KLHL1: variants seen among roughly 807,000 people sequenced by gnomAD.
KLHL1 encodes kelch-like protein 1.
A neutral mutation model predicts 77.7 loss-of-function variants in KLHL1; 47 were observed. That is an observed-to-expected ratio of 0.60 (90% CI 0.48 to 0.77). The LOEUF is 0.77. Ranked by LOEUF, KLHL1 falls within the 30% of genes least tolerant of loss-of-function variation. KLHL1 has a pLI of 0.00. For missense variants in KLHL1, 925 were observed against 910.8 expected, an observed-to-expected ratio of 1.02 and a Z score of -0.20; for synonymous variants, 360 against 325.2, an observed-to-expected ratio of 1.11 and a Z score of -1.15.
At chr13:69,938,155 A>G (rs1226627415) in intron 4 of KLHL1, among the ~76,000 whole-genome samples, 1 of 152,158 alleles carries the variant, frequency 6.6e-6, no homozygotes, top group Non-Finnish European at 1.5e-5. Context: ...TATCAGATGC[A>G]AAACACTCAT....
At chr13:69,978,560 C>G (rs1884615837) in intron 1 of KLHL1, among the ~76,000 whole-genome samples, 1 of 150,788 alleles carries the variant, frequency 6.6e-6, no homozygotes, top group Non-Finnish European at 1.5e-5. Flanking sequence ...GATCTTGGCT[C>G]ACTGCAACCT....
chr13:70,080,106 C>G (rs1887358338), intron 1 of KLHL1, among the ~76,000 whole-genome samples: 1 of 152,094 alleles, frequency 6.6e-6, no homozygotes, highest in African/African-American at 2.4e-5. Context: ...CATTAGACAA[C>G]ATGCAGCCTA....
At chr13:70,009,126 A>T (rs1885472218) in intron 1 of KLHL1, among the ~76,000 whole-genome samples, 1 of 151,900 alleles carries the variant, frequency 6.6e-6, no homozygotes, top group Non-Finnish European at 1.5e-5. Context: ...AGTGAAAATA[A>T]AAATAGTAAA....
intron 1 of KLHL1, among the ~76,000 whole-genome samples, chr13:70,055,756 T>C (rs1172686052): frequency 6.6e-6 from 1 of 152,046 alleles, no homozygotes; most frequent in Admixed American, 6.6e-5. Context: ...CAGTTTAAAA[T>C]GGAGTATAAT....
intron 1 of KLHL1, among the ~76,000 whole-genome samples, chr13:70,075,586 T>TATATATATATATATAC (rs1436181147): frequency 8.9e-6 from 1 of 111,794 alleles, no homozygotes; most frequent in Non-Finnish European, 1.8e-5. Flanking sequence ...TATATATATA[T>TATATATATATATATAC]ATACACACAC....
intron 6 of KLHL1, among the ~76,000 whole-genome samples, chr13:69,808,431 C>A (rs771868928): frequency 5.3e-5 from 8 of 152,106 alleles, no homozygotes; most frequent in Non-Finnish European, 1.0e-4. Context: ...ACTACACAAA[C>A]CTTTCTGCAA....
intron 1 of KLHL1, among the ~76,000 whole-genome samples, chr13:70,091,347 T>TCTTGATATGAACTTGA (rs1446439571): frequency 6.6e-6 from 1 of 151,912 alleles, no homozygotes; most frequent in East Asian, 1.9e-4. Flanking sequence ...CTTTTTACAA[T>TCTTGATATGAACTTGA]TCTTCTTATG....
At chr13:69,939,642 T>C (rs7320487) in intron 4 of KLHL1, among the ~76,000 whole-genome samples, 19,241 of 151,852 alleles carry the variant, frequency 0.13, 1,898 homozygotes, top group East Asian at 0.29. Flanking sequence ...GCCTGTTAAG[T>C]GTGCATAAAG....
intron 8 of KLHL1, among the ~76,000 whole-genome samples, chr13:69,730,428 G>C (rs548057646): frequency 6.6e-6 from 1 of 152,198 alleles, no homozygotes; most frequent in Non-Finnish European, 1.5e-5. Context: ...TAAATCTATT[G>C]CTGTCAATGT....
chr13:69,775,128 A>G (rs1002631705), intron 7 of KLHL1, among the ~76,000 whole-genome samples: 5 of 152,174 alleles, frequency 3.3e-5, no homozygotes, highest in Non-Finnish European at 4.4e-5. Flanking sequence ...TAATGAAACT[A>G]ATAGATAAGA....
chr13:70,045,190 T>C (rs902002846), intron 1 of KLHL1, among the ~76,000 whole-genome samples: 13 of 152,230 alleles, frequency 8.5e-5, no homozygotes, highest in African/African-American at 2.9e-4. Flanking sequence ...AAGAAAAAAA[T>C]AGATTACTTT....
chr13:69,727,720 T>C (rs886686856), intron 8 of KLHL1, among the ~76,000 whole-genome samples: 1 of 152,180 alleles, frequency 6.6e-6, no homozygotes, highest in Non-Finnish European at 1.5e-5. Context: ...GTTTCAACAA[T>C]TGGCATATAT....
At chr13:69,894,219 C>T (rs1881545715) in intron 4 of KLHL1, 1 of 153,264 alleles carries the variant, frequency 6.5e-6, no homozygotes, top group Non-Finnish European at 1.5e-5. Context: ...GAGGTCTGTA[C>T]AAGAGAGGTC....
chr13:69,900,884 C>T (rs1032331587), intron 4 of KLHL1, among the ~76,000 whole-genome samples: 3 of 152,124 alleles, frequency 2.0e-5, no homozygotes, highest in Admixed American at 6.5e-5. Context: ...CATCACCTTG[C>T]ATTTGGTTTC....
intron 1 of KLHL1, among the ~76,000 whole-genome samples, chr13:69,981,440 A>G (rs1884704908): frequency 6.6e-6 from 1 of 152,074 alleles, no homozygotes. Flanking sequence ...AATATTTTAA[A>G]GAAAATTTTG....
chr13:69,719,731 A>C (rs77338103), intron 8 of KLHL1, 150 bp from the exon 9 acceptor site: 14 of 611,720 alleles, frequency 2.3e-5, no homozygotes, highest in Non-Finnish European at 3.7e-5. Flanking sequence ...AAGATACTCA[A>C]TAAATGATCA....
At chr13:70,031,165 G>C (rs1018620171) in intron 1 of KLHL1, among the ~76,000 whole-genome samples, 33 of 152,238 alleles carry the variant, frequency 2.2e-4, no homozygotes, top group African/African-American at 7.9e-4. Context: ...ACTGGCCAAT[G>C]GAATGAAGGC....
intron 1 of KLHL1, among the ~76,000 whole-genome samples, chr13:70,090,355 T>C (rs1887643552): frequency 6.6e-6 from 1 of 151,958 alleles, no homozygotes; most frequent in Admixed American, 6.6e-5. Context: ...GAGGGCTTTT[T>C]AATAATGAGT....
At chr13:69,931,668 A>G (rs1276579941) in intron 4 of KLHL1, among the ~76,000 whole-genome samples, 1 of 151,786 alleles carries the variant, frequency 6.6e-6, no homozygotes, top group Non-Finnish European at 1.5e-5. Context: ...TTGTTCCTCA[A>G]TAGTATGGTG....
Sources: allele counts gnomAD v4.1 joint callset (sites outside exome capture counted in the v4.1 genomes callset), GRCh38; gene constraint gnomAD v4.1.1; transcripts MANE v1.5; gene names NCBI Gene and HGNC (gene_info 2026-07-23, HGNC 2026-07-21).